TLE4: variants seen among roughly 807,000 people sequenced by gnomAD.
TLE4 encodes transducin-like enhancer protein 4.
Under a neutral mutation model 92.8 loss-of-function variants are expected in TLE4, and 8 were observed. The ratio of observed to expected loss-of-function variants is 0.09; its 90% CI spans 0.05 to 0.16. TLE4 has a LOEUF of 0.16. Ranked by LOEUF, TLE4 falls within the 10% of genes least tolerant of loss-of-function variation. The pLI is 1.00. For synonymous variants in TLE4, 371 were observed against 374.1 expected, an observed-to-expected ratio of 0.99 and a Z score of 0.10; for missense variants, 675 against 997.6, an observed-to-expected ratio of 0.68 and a Z score of 4.36.
chr9:79,602,282 AAAC>A (rs763593898), intron 4 of TLE4, among the ~76,000 whole-genome samples: 5 of 152,238 alleles, frequency 3.3e-5, no homozygotes, highest in African/African-American at 4.8e-5. Context: ...TGGCTACACC[AAAC>A]AACAGATTTG....
intron 14 of TLE4, among the ~76,000 whole-genome samples, chr9:79,711,763 T>A (rs1258591618): frequency 6.6e-6 from 1 of 152,220 alleles, no homozygotes; most frequent in Non-Finnish European, 1.5e-5. Flanking sequence ...TAACTTTCGA[T>A]GTTATAAAAT....
Position 79,725,179 on chromosome 9 carries a change from T to A in TLE4, c.*35T>A. The A allele has an allele frequency of 6.7e-7, 1 of 1,494,624 alleles. No individual in the cohort carries two copies. Among genetic ancestry groups the A allele is most frequent in the African/African-American group, 1.4e-5 (1 of 72,666 alleles). The allele number at this position is 1,494,624 out of a possible 1,614,324, so 92.6% of individuals were successfully genotyped here. ...TTCATGCAGACTGGACTTCTCCTCC[T>A]GGTAGCACTTTGCTCTGTCATCCTT... On this transcript the variant is annotated 3_prime_UTR_variant, in exon 20 of 20. Coordinates refer to ENST00000376552, the MANE Select transcript of TLE4 (RefSeq NM_007005.6).
chr9:79,591,249 C>T (rs551690628), intron 4 of TLE4, among the ~76,000 whole-genome samples: 140 of 152,074 alleles, frequency 9.2e-4, no homozygotes, highest in African/African-American at 3.1e-3. Context: ...GATGCTGTTA[C>T]GGAGGAGGTG....
chr9:79,707,334 A>G (rs1157791217), intron 11 of TLE4: 8 of 850,742 alleles, frequency 9.4e-6, no homozygotes, highest in Non-Finnish European at 1.5e-5. Flanking sequence ...TCTCATTTAC[A>G]AAAGTCTATC....
At chr9:79,616,322 T>C (rs1333620036) in intron 5 of TLE4, among the ~76,000 whole-genome samples, 1 of 152,166 alleles carries the variant, frequency 6.6e-6, no homozygotes, top group African/African-American at 2.4e-5. Context: ...TCCTCATCTG[T>C]ATGATGAAGT....
chr9:79,648,326 A>G (rs1300055337), intron 6 of TLE4, among the ~76,000 whole-genome samples: 2 of 152,290 alleles, frequency 1.3e-5, no homozygotes, highest in East Asian at 3.9e-4. Flanking sequence ...AAAGTCTCAC[A>G]GTCTCTGGCA....
chr9:79,623,303 A>T lies in TLE4; in HGVS notation c.316-4071A>T, dbSNP rs1014462034. Among the ~76,000 whole-genome samples, 3 of 152,112 alleles carry T rather than the reference A, an allele frequency of 2.0e-5. No individual in the cohort carries two copies. In the South Asian group the frequency reaches 6.2e-4, roughly 31 times the overall value. On this transcript the variant is annotated intron_variant, in intron 5 of 19. Coordinates refer to ENST00000376552, the MANE Select transcript of TLE4 (RefSeq NM_007005.6). ...GCCCTAAAACATTGGCATGACAGGT[A>T]TTCTCATCATAATACCTTCTGAGAA... is the stretch of plus-strand genomic sequence containing the variant.
At chr9:79,629,315 A>T (rs1331559610) in intron 6 of TLE4, among the ~76,000 whole-genome samples, 2 of 152,116 alleles carry the variant, frequency 1.3e-5, no homozygotes, top group African/African-American at 2.4e-5. Context: ...ATGAGGGAAG[A>T]TATAAAATCA....
chr9:79,601,137 A>G lies in TLE4; in HGVS notation c.253-11519A>G, dbSNP rs1037433309. On this transcript the variant is annotated intron_variant, in intron 4 of 19. Coordinates refer to ENST00000376552, the MANE Select transcript of TLE4 (RefSeq NM_007005.6). ...AATCTTTAAAACACATATTTTGCCA[A>G]GGTTTCAGATAGGAAGCTTTAATCA... Among the ~76,000 whole-genome samples, 5 of 152,200 alleles carry G rather than the reference A, an allele frequency of 3.3e-5. No homozygotes were observed. The South Asian group carries it at 1.0e-3, about 31-fold the overall frequency.
chr9:79,692,512 C>T (rs1044553606), intron 8 of TLE4, among the ~76,000 whole-genome samples: 4 of 152,132 alleles, frequency 2.6e-5, no homozygotes, highest in Non-Finnish European at 4.4e-5. Context: ...AAAGGAAGGG[C>T]GGTATGCCTC....
Position 79,654,070 on chromosome 9 carries a change from A to T in TLE4, c.604A>T (p.Ile202Phe). The T allele has an allele frequency of 6.2e-7, 1 of 1,613,784 alleles. No homozygotes were observed. Among genetic ancestry groups the T allele is most frequent in the Non-Finnish European group, 8.5e-7 (1 of 1,179,806 alleles). ...DNDHQRDRDSIKSSSVSPSAS... is the reference protein window; with the variant it reads ...DNDHQRDRDSFKSSSVSPSAS... Reference sequence around the variant, plus strand: ...TGTTTTGCATATAGACAGAGACTCCATCAAGGTAGGACTCAAAATTTACAG... The same window carrying T: ...TGTTTTGCATATAGACAGAGACTCCTTCAAGGTAGGACTCAAAATTTACAG... The change falls in exon 8 of 20, where the codon ATC (isoleucine) becomes TTC (phenylalanine). Residue 202 changes from isoleucine (I) to phenylalanine (F), a missense_variant. Ile to Phe is a conservative substitution (Grantham distance 21). This residue lies in a region of TLE4 where 280 missense variants were observed against 287.3 expected (regional missense o/e 0.97). Coordinates refer to ENST00000376552, the MANE Select transcript of TLE4 (RefSeq NM_007005.6).
intron 8 of TLE4, among the ~76,000 whole-genome samples, chr9:79,687,564 A>C (rs1406177523): frequency 6.6e-6 from 1 of 152,182 alleles, no homozygotes; most frequent in African/African-American, 2.4e-5. Context: ...CTCAGCCTAC[A>C]TCAAATATAT....
At chr9:79,594,494 A>G (rs2043465592) in intron 4 of TLE4, among the ~76,000 whole-genome samples, 1 of 151,120 alleles carries the variant, frequency 6.6e-6, no homozygotes, top group Admixed American at 6.6e-5. Flanking sequence ...ATGCATCTTT[A>G]TTTTTGTTTT....
At chr9:79,609,293 A>T (rs926937594) in intron 4 of TLE4, among the ~76,000 whole-genome samples, 2 of 152,104 alleles carry the variant, frequency 1.3e-5, no homozygotes, top group African/African-American at 4.8e-5. Context: ...GTTGACAGTC[A>T]CATGTCATGT....
In TLE4 at chr9:79,578,090, T is replaced by C. The variant is rs2038481584; in HGVS notation, c.252+1913T>C. ...AACCACCTACTTATTATATTTTCTT[T>C]CTTTCTCCCCCTTAAGCATAGAGGC... On this transcript the variant is annotated intron_variant, in intron 4 of 19. Transcript: ENST00000376552. Among the ~76,000 whole-genome samples the C allele has an allele frequency of 2.6e-5, 4 of 152,188 alleles. No individual in the cohort carries two copies. The South Asian group carries it at 8.3e-4, about 32-fold the overall frequency.
intron 8 of TLE4, among the ~76,000 whole-genome samples, chr9:79,681,466 A>G (rs1281044611): frequency 2.6e-5 from 4 of 152,174 alleles, no homozygotes; most frequent in Non-Finnish European, 4.4e-5. Flanking sequence ...TTCATTGGAT[A>G]TAGGCTCTTT....
chr9:79,674,573 A>G (rs2062944006), intron 8 of TLE4, among the ~76,000 whole-genome samples: 1 of 152,224 alleles, frequency 6.6e-6, no homozygotes, highest in Non-Finnish European at 1.5e-5. Context: ...TTTTCCTGTC[A>G]GATCAGCAAA....
intron 8 of TLE4, among the ~76,000 whole-genome samples, chr9:79,654,495 ATTTT>A (rs557985264): frequency 3.5e-5 from 5 of 143,218 alleles, no homozygotes; most frequent in African/African-American, 1.3e-4. Flanking sequence ...TGAATGGTGC[ATTTT>A]TTTTTTTTTT....
intron 8 of TLE4, among the ~76,000 whole-genome samples, chr9:79,677,355 A>G (rs981759385): frequency 4.6e-5 from 7 of 152,258 alleles, no homozygotes; most frequent in African/African-American, 1.7e-4. Context: ...AGATGTATCC[A>G]TGACAGAAGT....
Sources: gnomAD v4.1 joint callset for allele counts (sites outside exome capture counted in the v4.1 genomes callset) on GRCh38, gnomAD v4.1.1 for gene constraint, gnomAD v4.1.1 regional missense constraint, MANE v1.5 for transcripts, NCBI Gene and HGNC (gene_info 2026-07-23, HGNC 2026-07-21) for gene names.